The following ATOSA variants were observed in gnomAD, a reference collection of about 807,000 sequenced individuals.
The protein encoded by ATOSA is atos homolog protein A.
the ATOSA span, among the ~76,000 whole-genome samples, chr15:52,647,312 CCT>C: frequency 6.6e-6 from 1 of 151,862 alleles, no homozygotes; most frequent in Non-Finnish European, 1.5e-5. Flanking sequence ...CCAGATTAAA[CCT>C]CTCTCCCAAA....
the ATOSA span, chr15:52,679,437 TCCTCCCCGGCGG>T: frequency 6.6e-6 from 1 of 152,242 alleles, no homozygotes; most frequent in Non-Finnish European, 1.5e-5. Flanking sequence ...GGTCGTCACT[TCCTCCCCGGCGG>T]CCTCCGCGGC....
At chr15:52,702,689 T>C in the ATOSA span, among the ~76,000 whole-genome samples, 1 of 146,860 alleles carries the variant, frequency 6.8e-6, no homozygotes, top group Non-Finnish European at 1.5e-5. Flanking sequence ...GGATCAACTG[T>C]ACCCCACACC....
the ATOSA span, among the ~76,000 whole-genome samples, chr15:52,662,769 C>CA: frequency 0.035 from 2,758 of 78,792 alleles, 66 homozygotes; most frequent in African/African-American, 0.078. Context: ...GACTCCGTCT[C>CA]AAAAAAAAAA....
the ATOSA span, among the ~76,000 whole-genome samples, chr15:52,663,852 C>T: frequency 1.3e-5 from 2 of 152,052 alleles, no homozygotes; most frequent in Non-Finnish European, 2.9e-5. Flanking sequence ...TCTTGAACTC[C>T]TGGGCTCAAG....
chr15:52,622,156 T>TA, the ATOSA span, among the ~76,000 whole-genome samples: 22 of 152,194 alleles, frequency 1.4e-4, no homozygotes, highest in Non-Finnish European at 2.9e-4. Context: ...TACTATTTCT[T>TA]AAAGTAGGTC....
the ATOSA span, among the ~76,000 whole-genome samples, chr15:52,638,410 A>G: frequency 6.6e-6 from 1 of 152,154 alleles, no homozygotes; most frequent in East Asian, 1.9e-4. Flanking sequence ...GGTGTTAAAA[A>G]AGAGTACCAC....
chr15:52,608,618 T>C, the ATOSA span: 2 of 1,607,288 alleles, frequency 1.2e-6, no homozygotes, highest in South Asian at 2.2e-5. Context: ...CAGTCTTTTA[T>C]ACTTCTTCTC....
the ATOSA span, chr15:52,678,137 A>C: frequency 6.3e-6 from 8 of 1,272,778 alleles, no homozygotes; most frequent in Non-Finnish European, 9.2e-6. Flanking sequence ...AAGAGACAAA[A>C]ATAAAATTAA....
the ATOSA span, chr15:52,585,008 T>C: frequency 2.2e-6 from 3 of 1,367,448 alleles, no homozygotes; most frequent in Admixed American, 4.5e-5. Context: ...TTCAGAATGA[T>C]TGTGCCAATA....
At chr15:52,639,853 T>C in the ATOSA span, among the ~76,000 whole-genome samples, 2 of 151,960 alleles carry the variant, frequency 1.3e-5, no homozygotes, top group African/African-American at 4.8e-5. Flanking sequence ...TGGGTTCAAG[T>C]GGTTCTCCTG....
chr15:52,582,285 T>C, the ATOSA span: 1 of 1,585,606 alleles, frequency 6.3e-7, no homozygotes, highest in South Asian at 1.2e-5. Context: ...AGGTAGATCT[T>C]TCCAGATTTA....
chr15:52,705,380 A>G, the ATOSA span, among the ~76,000 whole-genome samples: 2 of 152,204 alleles, frequency 1.3e-5, no homozygotes, highest in African/African-American at 2.4e-5. Context: ...GGGGAGGGAT[A>G]GCTTTAGGAG....
the ATOSA span, chr15:52,584,918 C>T: frequency 1.2e-6 from 2 of 1,611,844 alleles, no homozygotes; most frequent in South Asian, 1.1e-5. Flanking sequence ...ACATCTTCAC[C>T]ACAGTCTTAT....
the ATOSA span, among the ~76,000 whole-genome samples, chr15:52,623,505 C>CCCTGTT: frequency 6.6e-6 from 1 of 151,946 alleles, no homozygotes; most frequent in Non-Finnish European, 1.5e-5. Context: ...GAACTCATGA[C>CCCTGTT]AGAGCCCTGG....
chr15:52,615,799 G>A, the ATOSA span, among the ~76,000 whole-genome samples: 1 of 152,172 alleles, frequency 6.6e-6, no homozygotes, highest in Non-Finnish European at 1.5e-5. Context: ...CTGACATTTG[G>A]TAACTTATCA....
the ATOSA span, among the ~76,000 whole-genome samples, chr15:52,661,423 G>A: frequency 1.3e-5 from 2 of 152,320 alleles, no homozygotes; most frequent in South Asian, 4.1e-4. Context: ...GCAACTAGCA[G>A]GGAATTTGAG....
the ATOSA span, among the ~76,000 whole-genome samples, chr15:52,618,139 C>T: frequency 2.0e-5 from 3 of 152,038 alleles, no homozygotes; most frequent in South Asian, 2.1e-4. Context: ...CCCAGGTTCA[C>T]GCCATTCTCC....
the ATOSA span, among the ~76,000 whole-genome samples, chr15:52,695,894 C>T: frequency 1.3e-5 from 2 of 152,222 alleles, no homozygotes; most frequent in East Asian, 3.9e-4. Context: ...AGGCTCAAGG[C>T]AGGAGCATTC....
At chr15:52,615,242 G>T in the ATOSA span, among the ~76,000 whole-genome samples, 1 of 152,158 alleles carries the variant, frequency 6.6e-6, no homozygotes, top group Admixed American at 6.5e-5. Context: ...TTTTTTTCAC[G>T]TAGTTATGGT....
Sources: gnomAD v4.1 joint callset for allele counts (sites outside exome capture counted in the v4.1 genomes callset) on GRCh38, gnomAD v4.1.1 for gene constraint, MANE v1.5 for transcripts, NCBI Gene and HGNC (gene_info 2026-07-23, HGNC 2026-07-21) for gene names.